Variants in SFRP1 observed in about 807,000 individuals in gnomAD.
SFRP1 encodes secreted frizzled-related protein 1.
In SFRP1, 9 loss-of-function variants were observed where a neutral mutation model predicts 25.9. The ratio of observed to expected loss-of-function variants is 0.35; its 90% confidence interval spans 0.21 to 0.61. The LOEUF is 0.61. Ranked by LOEUF, SFRP1 falls within the 20% of genes least tolerant of loss-of-function variation. SFRP1 has a pLI of 0.78. For missense variants in SFRP1, 346 were observed against 418.2 expected (o/e 0.83, Z 1.51); for synonymous variants, 178 against 174.0 (o/e 1.02, Z -0.18).
chr8:41,288,312 G>A (rs986480041), intron 2 of SFRP1, among the ~76,000 whole-genome samples: 4 of 151,776 alleles, frequency 2.6e-5, no homozygotes, highest in East Asian at 1.9e-4. Flanking sequence ...AGCCAAAATC[G>A]TGCCATTGCA....
Position 41,262,522 on chromosome 8 carries a change from G to GT in SFRP1, c.*2644dup, listed in dbSNP as rs1412939954. ...ACACAGGATATTTTAAAAATAAAATGTTTTTGGAATCCTCACCTCCCATGC... is the reference window on the plus strand; with the variant it reads ...ACACAGGATATTTTAAAAATAAAATGTTTTTTGGAATCCTCACCTCCCATGC... On this transcript the variant is annotated 3_prime_UTR_variant, in exon 3 of 3. Transcript: ENST00000220772. 2.0e-5 allele frequency: 3 copies of GT among 152,274 alleles called. No homozygotes were observed. Among genetic ancestry groups the GT allele is most frequent in the African/African-American group, 7.2e-5 (3 of 41,554 alleles). The allele number at this position is 152,274 out of a possible 1,614,324, so 9.4% of individuals were successfully genotyped here.
chr8:41,291,506 C>T (rs1241381388), intron 2 of SFRP1, among the ~76,000 whole-genome samples: 1 of 152,306 alleles, frequency 6.6e-6, no homozygotes, highest in Non-Finnish European at 1.5e-5. Flanking sequence ...CCTACCAGCT[C>T]CATGGAGGAC....
At chr8:41,299,322 A>G (rs1585519968) in intron 2 of SFRP1, among the ~76,000 whole-genome samples, 1 of 151,998 alleles carries the variant, frequency 6.6e-6, no homozygotes, top group African/African-American at 2.4e-5. Context: ...CCATCCCCAG[A>G]GTAACAATTC....
intron 2 of SFRP1, among the ~76,000 whole-genome samples, chr8:41,277,778 T>TTTA (rs1292313725): frequency 6.6e-6 from 1 of 152,148 alleles, no homozygotes; most frequent in East Asian, 1.9e-4. Context: ...ATTAAAAAAA[T>TTTA]GTTCTTTAGT....
chr8:41,275,296 C>G, intron 2 of SFRP1: 1 of 338,436 alleles, frequency 3.0e-6, no homozygotes, highest in South Asian at 2.0e-5. Flanking sequence ...GATGACGGGG[C>G]AAGCAGTTGG....
chr8:41,265,568 T>A, intron 2 of SFRP1, 79 bp from the exon 3 acceptor site: 1 of 931,124 alleles, frequency 1.1e-6, no homozygotes, highest in Non-Finnish European at 1.6e-6. Flanking sequence ...TTTTTGATCC[T>A]CAAAGTGATT....
chr8:41,276,121 C>T (rs993353801), intron 2 of SFRP1, among the ~76,000 whole-genome samples: 1 of 152,124 alleles, frequency 6.6e-6, no homozygotes, highest in Non-Finnish European at 1.5e-5. Context: ...ATGCACCAGT[C>T]GCATGGGCCT....
chr8:41,284,871 C>A (rs576364681), intron 2 of SFRP1, among the ~76,000 whole-genome samples: 1 of 152,342 alleles, frequency 6.6e-6, no homozygotes, highest in Non-Finnish European at 1.5e-5. Context: ...ATGCTCCAGT[C>A]CAGGGAGAAA....
At chr8:41,298,012 C>T (rs1384483007) in intron 2 of SFRP1, among the ~76,000 whole-genome samples, 4 of 152,248 alleles carry the variant, frequency 2.6e-5, no homozygotes, top group South Asian at 2.1e-4. Flanking sequence ...AACAGGGATC[C>T]AGGTAGAGTG....
chr8:41,277,033 C>T (rs1416099788), intron 2 of SFRP1: 1 of 456,152 alleles, frequency 2.2e-6, no homozygotes, highest in Non-Finnish European at 4.4e-6. Context: ...GTTAAATCCC[C>T]ACTGAGTTAA....
intron 2 of SFRP1, among the ~76,000 whole-genome samples, chr8:41,294,865 C>T (rs1276934802): frequency 6.6e-6 from 1 of 152,110 alleles, no homozygotes; most frequent in Admixed American, 6.5e-5. Flanking sequence ...CCAGTTCCTG[C>T]TCCTGCCGCT....
intron 2 of SFRP1, among the ~76,000 whole-genome samples, chr8:41,293,550 C>T (rs1291886602): frequency 6.6e-6 from 1 of 152,144 alleles, no homozygotes; most frequent in Non-Finnish European, 1.5e-5. Flanking sequence ...CCTCTACTTT[C>T]TCCATTAATC....
Position 41,308,500 on chromosome 8 carries a change from C to G in SFRP1, c.544+116G>C, listed in dbSNP as rs551591041. On this transcript the variant is annotated intron_variant, in intron 1 of 2. Coordinates refer to ENST00000220772, the MANE Select transcript of SFRP1 (RefSeq NM_003012.5). Reference sequence around the variant, plus strand: ...CAGCATGCGAGCAACCTCGGGCCCTCAGTCCCCAGCACCGGGACCCAGCGG... The same window carrying G: ...CAGCATGCGAGCAACCTCGGGCCCTGAGTCCCCAGCACCGGGACCCAGCGG... The G allele has an allele frequency of 3.7e-6, 3 of 816,872 alleles. No individual in the cohort carries two copies. In the Admixed American group the frequency reaches 8.4e-5, roughly 23 times the overall value. 50.6% of individuals were successfully genotyped at this position (816,872 alleles called of 1,614,324 possible).
intron 2 of SFRP1, among the ~76,000 whole-genome samples, chr8:41,293,220 T>C (rs369063292): frequency 6.6e-6 from 1 of 152,194 alleles, no homozygotes; most frequent in East Asian, 1.9e-4. Context: ...GGGCCATTCA[T>C]TCCAACTGCT....
At position 41,308,644 on chromosome 8, in the gene SFRP1, G is replaced by A. The variant is rs777186277; in HGVS notation, c.516C>T (p.Pro172=). Residue 172 remains proline, a synonymous_variant, in exon 1 of 3, where the codon CCC becomes CCT. Coordinates refer to ENST00000220772, the MANE Select transcript of SFRP1 (RefSeq NM_003012.5). ...EGDVCIAMTP[P]NATEASKPQG... Reference sequence around the variant, plus strand: ...GGGGCTTGGAGGCTTCGGTGGCATTGGGCGGCGTCATGGCGATGCAGACGT... The same window carrying A: ...GGGGCTTGGAGGCTTCGGTGGCATTAGGCGGCGTCATGGCGATGCAGACGT... The A allele has an allele frequency of 6.2e-7, 1 of 1,607,268 alleles. No individual in the cohort carries two copies. Among genetic ancestry groups the A allele is most frequent in the East Asian group, 2.2e-5 (1 of 44,624 alleles).
At chr8:41,288,021 C>T (rs2117501866) in intron 2 of SFRP1, among the ~76,000 whole-genome samples, 1 of 151,892 alleles carries the variant, frequency 6.6e-6, no homozygotes, top group Middle Eastern at 3.4e-3. Context: ...AGTTCAAGAC[C>T]AGCCTGGGCC....
At position 41,286,989 on chromosome 8, in the gene SFRP1, G is replaced by A. The variant is rs1803713626; in HGVS notation, c.622+16472C>T. On this transcript the variant is annotated intron_variant, in intron 2 of 2. Coordinates refer to ENST00000220772, the MANE Select transcript of SFRP1 (RefSeq NM_003012.5). Reference sequence around the variant, plus strand: ...GCCTCTGGCTTCCTGCCCAGTGCAGGCCTCCAGGTATCGCAGCTAAGAGGC... The same window carrying A: ...GCCTCTGGCTTCCTGCCCAGTGCAGACCTCCAGGTATCGCAGCTAAGAGGC... Among the ~76,000 whole-genome samples, 2 of 152,206 alleles carry A rather than the reference G, an allele frequency of 1.3e-5. 1 individual carries two copies. Among genetic ancestry groups the A allele is most frequent in the Admixed American group, 1.3e-4 (2 of 15,280 alleles).
intron 2 of SFRP1, 69 bp from the exon 3 acceptor site, chr8:41,265,558 T>A (rs1373801495): frequency 9.1e-7 from 1 of 1,100,428 alleles, no homozygotes; most frequent in African/African-American, 1.6e-5. Flanking sequence ...AGCTTTTCTT[T>A]TTTTGATCCT....
chr8:41,308,983 C>G lies in SFRP1; in HGVS notation c.177G>C (p.Val59=). The G allele has an allele frequency of 1.2e-6, 2 of 1,613,342 alleles. No homozygotes were observed. The highest frequency in any genetic ancestry group is 1.7e-6 in the Non-Finnish European group (2 of 1,179,960). ...ACAGCCGCAGGTCCGCGGGGATGTC[C>G]ACGCACTGAGGTGGCTTGGTGTAGA... The part of the protein sequence containing the change: ...GRFYTKPPQC[V]DIPADLRLCH... Residue 59 remains valine (V), a synonymous_variant, in exon 1 of 3, where the codon GTG becomes GTC. Transcript: ENST00000220772.
Sources: allele counts gnomAD v4.1 joint callset (sites outside exome capture counted in the v4.1 genomes callset), GRCh38; gene constraint gnomAD v4.1.1; transcripts MANE v1.5; gene names NCBI Gene and HGNC (gene_info 2026-07-23, HGNC 2026-07-21).